The following IL9R variants were observed in gnomAD, a reference collection of about 807,000 sequenced individuals.
The protein encoded by IL9R is interleukin 9 receptor.
IL9R carries 54 observed loss-of-function variants against 56.3 expected under a neutral mutation model. That is an observed-to-expected ratio of 0.96 (90% CI 0.77 to 1.20). The LOEUF is 1.20. IL9R is among the 50% of genes most tolerant of loss of function. IL9R has a pLI of 0.00. For synonymous variants in IL9R, 212 were observed against 250.2 expected (o/e 0.85, Z 1.44); for missense variants, 545 against 629.8 (o/e 0.87, Z 1.44).
intron 1 of IL9R, 141 bp downstream of exon 1, chrX:155,997,928 G>A (rs2067250912): frequency 2.5e-6 from 2 of 793,940 alleles, no homozygotes; most frequent in East Asian, 2.5e-5. Flanking sequence ...ACCTCCTCTG[G>A]TGTCCTGGCC....
At chrX:156,005,715 G>T (rs1213876752) in intron 6 of IL9R, among the ~76,000 whole-genome samples, 1 of 152,096 alleles carries the variant, frequency 6.6e-6, no homozygotes, top group African/African-American at 2.4e-5. Context: ...GAGTGAGGGT[G>T]GCAGGGCTGC....
chrX:156,008,134 G>C (rs1173411832), intron 8 of IL9R: 1 of 181,032 alleles, frequency 5.5e-6, no homozygotes. Flanking sequence ...AGGCACCAGT[G>C]AGCAACTTGG....
chrX:155,999,974 A>C (rs750172792), intron 1 of IL9R, among the ~76,000 whole-genome samples: 1 of 151,956 alleles, frequency 6.6e-6, no homozygotes, highest in Admixed American at 6.6e-5. Context: ...AAAAATACAA[A>C]AATTAGCCAG....
intron 4 of IL9R, 21 bp downstream of exon 4, chrX:156,003,876 T>G: frequency 6.2e-7 from 1 of 1,613,216 alleles, no homozygotes; most frequent in Non-Finnish European, 8.5e-7. Flanking sequence ...GCTATAGGTC[T>G]GGGGCGGGGC....
chrX:156,004,685 CG>C (rs2067791101), intron 5 of IL9R, 120 bp downstream of exon 5: 1 of 1,022,490 alleles, frequency 9.8e-7, no homozygotes, highest in Non-Finnish European at 1.5e-6. Context: ...GGAACTAGAG[CG>C]GGGTGTGTGT....
chrX:156,000,134 T>A (rs1340398345), intron 1 of IL9R, among the ~76,000 whole-genome samples: 6 of 141,300 alleles, frequency 4.2e-5, no homozygotes, highest in South Asian at 2.2e-4. Flanking sequence ...AGACTCCGTC[T>A]AAAAAAAAAA....
intron 7 of IL9R, among the ~76,000 whole-genome samples, chrX:156,006,691 C>T (rs2067988975): frequency 6.6e-6 from 1 of 152,000 alleles, no homozygotes; most frequent in South Asian, 2.1e-4. Flanking sequence ...AGACAGGGTG[C>T]AGGGGCCATG....
intron 1 of IL9R, among the ~76,000 whole-genome samples, chrX:156,000,416 T>A (rs2067439518): frequency 6.6e-6 from 1 of 152,116 alleles, no homozygotes; most frequent in South Asian, 2.1e-4. Context: ...GGCCAGACTT[T>A]GACACTGAGG....
intron 1 of IL9R, chrX:156,001,239 G>A (rs1368977815): frequency 2.9e-6 from 2 of 686,028 alleles, no homozygotes; most frequent in Non-Finnish European, 5.4e-6. Flanking sequence ...CTACATAGAT[G>A]TGGGTGTTTC....
chrX:156,001,127 C>G (rs1164250774), intron 1 of IL9R, among the ~76,000 whole-genome samples: 1 of 152,164 alleles, frequency 6.6e-6, no homozygotes, highest in Non-Finnish European at 1.5e-5. Context: ...TACCATCCCC[C>G]TTCCCTGTCT....
chrX:156,000,143 A>T lies in IL9R; in HGVS notation c.28+2356A>T, dbSNP rs866360729. 3.7e-3 allele frequency among the ~76,000 whole-genome samples: 486 copies of T among 129,850 alleles called. 2 individuals carry two copies. The highest frequency in any genetic ancestry group is 0.012 in the African/African-American group (383 of 30,764). 85.2% of individuals were successfully genotyped at this position (129,850 alleles called of 152,430 possible). A position where few individuals can be genotyped will look rare whatever the true frequency, so the allele number is the denominator to read the frequency against. ...AGAGCGAGACTCCGTCTAAAAAAAAAAAATATATATATATATACACACATA... is the reference window on the plus strand; with the variant it reads ...AGAGCGAGACTCCGTCTAAAAAAAATAAATATATATATATATACACACATA... On this transcript the variant is annotated intron_variant, in intron 1 of 8. Coordinates refer to ENST00000244174, the MANE Select transcript of IL9R (RefSeq NM_002186.3).
chrX:156,006,177 G>A lies in IL9R; in HGVS notation c.876G>A (p.Lys292=), dbSNP rs745840420. 2.2e-6 allele frequency: 3 copies of A among 1,345,108 alleles called. No individual in the cohort carries two copies. The African/African-American group carries it at 4.3e-5, about 19-fold the overall frequency. The allele number at this position is 1,345,108 out of a possible 1,614,324, so 83.3% of individuals were successfully genotyped here. ...LLTGPTYLLF[K]LSPRVKRIFY... The stretch of plus-strand genomic sequence containing the variant: ...CTGGCCCGACCTACCTCCTGTTCAA[G>A]CTGTCGCCCAGGTAGGTGGCTGATG... Residue 292 remains lysine, a synonymous_variant, in exon 7 of 9, where the codon AAG becomes AAA. Coordinates refer to ENST00000244174, the MANE Select transcript of IL9R (RefSeq NM_002186.3).
In IL9R at chrX:156,004,409, C is replaced by T. The variant is rs1420485208; in HGVS notation, c.434-11C>T. 1.2e-6 allele frequency: 2 copies of T among 1,613,722 alleles called. No homozygotes were observed. The highest frequency in any genetic ancestry group is 1.3e-5 in the African/African-American group (1 of 74,912). ...GGGGCTTCAGCCTCACATGGATTCA[C>T]TCTGTTCCAGTTAAGCTGGACCCGC... On this transcript the variant is annotated splice_polypyrimidine_tract_variant and intron_variant, in intron 4 of 8. Transcript: ENST00000244174.
At chrX:156,003,265 G>T (rs2067666164) in intron 2 of IL9R, among the ~76,000 whole-genome samples, 184 bp from the exon 3 acceptor site, 1 of 151,980 alleles carries the variant, frequency 6.6e-6, no homozygotes, top group South Asian at 2.1e-4. Flanking sequence ...GATCTGACTT[G>T]CCCGTGTACC....
At chrX:156,004,597 T>C in intron 5 of IL9R, 32 bp downstream of exon 5, 1 of 1,608,798 alleles carries the variant, frequency 6.2e-7, no homozygotes, top group East Asian at 2.2e-5. Flanking sequence ...CCTGGGGGCC[T>C]CTCTCCTGGG....
intron 1 of IL9R, chrX:156,001,591 G>A (rs2067528098): frequency 1.0e-6 from 1 of 978,616 alleles, no homozygotes; most frequent in East Asian, 2.4e-5. Context: ...GCAGAGTGGG[G>A]TTAGAGTAGT....
rs775512588 is a variant in IL9R, at chrX:156,004,556, G to C, written c.570G>C (p.Glu190Asp). The change falls in exon 5 of 9, where the codon GAG becomes GAC. Residue 190 changes from glutamate to aspartate, a missense_variant. Around this residue, in one of 2 missense-constraint regions of IL9R, gnomAD observed 431 missense variants for 360.0 expected, o/e 1.20. Transcript: ENST00000244174. ...SYELAFKKQE[E>D]AWEQAQHRDH... ...AGCTGGCCTTCAAGAAGCAGGAAGA[G>C]GCCTGGGAGGTAACACTTTGGCTGG... 1 of 1,612,566 alleles carries C rather than the reference G, an allele frequency of 6.2e-7. No individual in the cohort carries two copies. Among genetic ancestry groups the C allele is most frequent in the South Asian group, 1.1e-5 (1 of 91,004 alleles).
chrX:156,011,656 T>C (rs2068445977), downstream of IL9R, among the ~76,000 whole-genome samples: 2 of 92,038 alleles, frequency 2.2e-5, 1 homozygote, highest in Non-Finnish European at 3.7e-5. Context: ...GTGAGGACTT[T>C]AGTATTATCA....
intron 1 of IL9R, among the ~76,000 whole-genome samples, chrX:156,000,531 C>T (rs2067447810): frequency 6.6e-6 from 1 of 152,196 alleles, no homozygotes; most frequent in Non-Finnish European, 1.5e-5. Flanking sequence ...GTGATGTCAG[C>T]CAGGCTCCCC....
Sources: allele counts gnomAD v4.1 joint callset (sites outside exome capture counted in the v4.1 genomes callset), GRCh38; gene constraint gnomAD v4.1.1; regional missense constraint gnomAD v4.1.1; transcripts MANE v1.5; gene names NCBI Gene and HGNC (gene_info 2026-07-23, HGNC 2026-07-21).